SHANK2: variants seen among roughly 807,000 people sequenced by gnomAD.
SHANK2 encodes the protein SH3 and multiple ankyrin repeat domains 2.
In SHANK2, 43 loss-of-function variants were observed where a neutral mutation model predicts 133.7. The observed-to-expected ratio is 0.32, with a 90% CI of 0.25 to 0.41. The LOEUF (loss-of-function observed/expected upper bound fraction) is 0.41, where lower values mean the gene tolerates loss of function less well. Ranked by LOEUF, SHANK2 falls within the 10% of genes least tolerant of loss-of-function variation. SHANK2 has a pLI of 1.00. For missense variants in SHANK2, 1,994 were observed against 2,235.8 expected, an observed-to-expected ratio of 0.89 and a Z score of 2.18; for synonymous variants, 1,017 against 952.8, an observed-to-expected ratio of 1.07 and a Z score of -1.24.
intron 17 of SHANK2, among the ~76,000 whole-genome samples, chr11:70,541,286 C>T (rs990238090): frequency 6.6e-6 from 1 of 152,242 alleles, no homozygotes; most frequent in South Asian, 2.1e-4. Context: ...CCTGTCCTTC[C>T]GTCAGCCTGG....
At chr11:70,732,999 A>G (rs1326732577) in intron 14 of SHANK2, among the ~76,000 whole-genome samples, 1 of 152,236 alleles carries the variant, frequency 6.6e-6, no homozygotes, top group Non-Finnish European at 1.5e-5. Context: ...TGCATGTCAG[A>G]TGCTGCCGAT....
At chr11:70,831,687 CAT>C (rs1396235437) in intron 11 of SHANK2, among the ~76,000 whole-genome samples, 16 of 152,264 alleles carry the variant, frequency 1.1e-4, no homozygotes, top group African/African-American at 3.9e-4. Context: ...CACATCAGAA[CAT>C]TTCAAGGTGC....
chr11:70,735,725 C>A (rs1435282317), intron 14 of SHANK2, among the ~76,000 whole-genome samples: 1 of 149,584 alleles, frequency 6.7e-6, no homozygotes, highest in African/African-American at 2.5e-5. Context: ...AAAAAATGTG[C>A]AGAGGGAGGG....
At chr11:71,103,229 C>T (rs1462658783) in intron 6 of SHANK2, among the ~76,000 whole-genome samples, 1 of 152,194 alleles carries the variant, frequency 6.6e-6, no homozygotes, top group Non-Finnish European at 1.5e-5. Flanking sequence ...GACAGCGGTG[C>T]CTGCAGGGGA....
chr11:70,820,194 A>G (rs542748993), intron 12 of SHANK2, among the ~76,000 whole-genome samples, 170 bp downstream of exon 12: 2 of 152,220 alleles, frequency 1.3e-5, no homozygotes, highest in Non-Finnish European at 2.9e-5. Flanking sequence ...CCCCAAGGGG[A>G]GACCGTGCCA....
intron 13 of SHANK2, among the ~76,000 whole-genome samples, chr11:70,800,973 A>C (rs1948031570): frequency 6.6e-6 from 1 of 152,146 alleles, no homozygotes; most frequent in Non-Finnish European, 1.5e-5. Flanking sequence ...CTTCCATGGA[A>C]GCTCTGCCCT....
intron 2 of SHANK2, among the ~76,000 whole-genome samples, chr11:71,177,991 G>C (rs4348928): frequency 0.2 from 31,194 of 152,186 alleles, 3,380 homozygotes; most frequent in South Asian, 0.28. Context: ...AAATGTAAAT[G>C]GCGTGGCCAC....
intron 17 of SHANK2, among the ~76,000 whole-genome samples, chr11:70,653,421 A>G (rs1241959388): frequency 1.3e-5 from 2 of 151,802 alleles, no homozygotes; most frequent in Non-Finnish European, 2.9e-5. Flanking sequence ...CTCAAGTCCC[A>G]TTTTAAAATA....
intron 14 of SHANK2, among the ~76,000 whole-genome samples, chr11:70,759,020 G>A (rs966228317): frequency 5.3e-5 from 8 of 152,028 alleles, no homozygotes; most frequent in Non-Finnish European, 7.4e-5. Context: ...TTAGCCAGGC[G>A]TGGTGGTGTG....
rs959762840 is a variant in SHANK2, at chr11:70,804,311, G to A, written c.1663+2691C>T. 2.0e-5 allele frequency among the ~76,000 whole-genome samples: 3 copies of A among 152,218 alleles called. No homozygotes were observed. The highest frequency in any genetic ancestry group is 2.1e-4 in the South Asian group (1 of 4,830). On this transcript the variant is annotated intron_variant, in intron 13 of 25. Coordinates refer to ENST00000601538, the MANE Select transcript of SHANK2 (RefSeq NM_012309.5). The surrounding 1 kb of genome is among the most constrained non-coding windows in gnomAD (Gnocchi z 4.1). ...AGCAAGGATGTGCGGGCCACCCCAC[G>A]ATGGGGAGGAGGCACCGACAGCTCG...
intron 8 of SHANK2, among the ~76,000 whole-genome samples, chr11:71,084,362 T>C (rs1187794971): frequency 6.6e-6 from 1 of 152,104 alleles, no homozygotes; most frequent in Admixed American, 6.5e-5. Flanking sequence ...ATATCCCCAC[T>C]GTGTGAAGTG....
chr11:71,092,670 A>T lies in SHANK2; in HGVS notation c.745-81T>A, dbSNP rs1951539573. 5 of 1,405,312 alleles carry T rather than the reference A, an allele frequency of 3.6e-6. No individual in the cohort carries two copies. In the South Asian group the frequency reaches 6.6e-5, roughly 19 times the overall value. The allele number at this position is 1,405,312 out of a possible 1,614,324, so 87.1% of individuals were successfully genotyped here. ...GTGAGGTGATCCAGAAAGCAGCACC[A>T]GGACCACCCTCCCCCAGGTCAAGGC... On this transcript the variant is annotated intron_variant, in intron 7 of 25. Transcript: ENST00000601538.
chr11:70,491,840 C>A lies in SHANK2; in HGVS notation c.2439+495G>T, dbSNP rs187511035. Among the ~76,000 whole-genome samples the A allele has an allele frequency of 1.6e-4, 25 of 152,348 alleles. No homozygotes were observed. In the East Asian group the frequency reaches 4.8e-3, roughly 29 times the overall value. On this transcript the variant is annotated intron_variant, in intron 22 of 25. Transcript: ENST00000601538. The stretch of plus-strand genomic sequence containing the variant: ...CATGGCACGGGCAGCCTGCTCTGAG[C>A]CAGGCACCCACTGCGCCCAGCAGCC...
intron 10 of SHANK2, chr11:70,943,970 G>A (rs1555084857): frequency 2.2e-6 from 1 of 456,652 alleles, no homozygotes; most frequent in South Asian, 1.5e-5. Context: ...GAAGATGAGA[G>A]TTTCACTCAT....
intron 3 of SHANK2, among the ~76,000 whole-genome samples, chr11:71,119,570 C>T (rs1324012533): frequency 9.8e-6 from 1 of 102,404 alleles, no homozygotes; most frequent in Non-Finnish European, 2.0e-5. Context: ...CAAGGCGAGA[C>T]TCCATCTCAA....
rs1208050666 is a variant in SHANK2, at chr11:70,884,519, C to T, written c.1174+11982G>A. ...AAGCCAGCCCTGCCTTGGACCACAC[C>T]CGACCCATGGCTGAGCATCTCCCAG... On this transcript the variant is annotated intron_variant, in intron 11 of 25. Transcript: ENST00000601538. Among the ~76,000 whole-genome samples, 4 of 152,298 alleles carry T rather than the reference C, an allele frequency of 2.6e-5. No homozygotes were observed. In the South Asian group the frequency reaches 6.2e-4, roughly 24 times the overall value.
intron 2 of SHANK2, among the ~76,000 whole-genome samples, chr11:71,152,509 A>G (rs1392362333): frequency 1.3e-5 from 2 of 152,226 alleles, no homozygotes; most frequent in African/African-American, 2.4e-5. Flanking sequence ...AGCCCACAGC[A>G]GGAAGGGCGG....
chr11:70,904,306 C>T (rs1203572605), intron 10 of SHANK2, among the ~76,000 whole-genome samples: 2 of 152,180 alleles, frequency 1.3e-5, no homozygotes, highest in Non-Finnish European at 2.9e-5. Context: ...GTGAGCACAG[C>T]AGGTAAAGCT....
chr11:70,697,938 G>A (rs1476284651), intron 15 of SHANK2: 2 of 152,420 alleles, frequency 1.3e-5, no homozygotes, highest in African/African-American at 2.4e-5. Context: ...TCAACATCCA[G>A]GAAGAACCCT....
Sources: allele counts gnomAD v4.1 joint callset (sites outside exome capture counted in the v4.1 genomes callset), GRCh38; gene constraint gnomAD v4.1.1; non-coding constraint Gnocchi (gnomAD v3.1); transcripts MANE v1.5; gene names NCBI Gene and HGNC (gene_info 2026-07-23, HGNC 2026-07-21).